The following HIP1 variants were observed in gnomAD, a reference collection of about 807,000 sequenced individuals.
HIP1 encodes huntingtin-interacting protein 1.
HIP1 carries 65 observed loss-of-function variants against 147.6 expected under a neutral mutation model. The ratio of observed to expected loss-of-function variants is 0.44; its 90% CI spans 0.36 to 0.54. The LOEUF (loss-of-function observed/expected upper bound fraction) is 0.54, where lower values mean the gene tolerates loss of function less well. Among genes scored for constraint, HIP1 ranks in the 20% least tolerant of loss-of-function variants. HIP1 has a pLI of 0.00. For missense variants in HIP1, 1,061 were observed against 1,299.6 expected (o/e 0.82, Z 2.82); for synonymous variants, 479 against 504.0 (o/e 0.95, Z 0.67).
intron 1 of HIP1, among the ~76,000 whole-genome samples, chr7:75,645,758 C>A (rs1330401900): frequency 1.3e-5 from 2 of 152,098 alleles, no homozygotes; most frequent in Non-Finnish European, 2.9e-5. Flanking sequence ...ATTATGCAGC[C>A]ATAAAAAAGA....
At chr7:75,715,774 C>CAAAAAATAAAAAAAA (rs1801297913) in intron 1 of HIP1, among the ~76,000 whole-genome samples, 1 of 36,718 alleles carries the variant, frequency 2.7e-5, no homozygotes, top group East Asian at 1.0e-3. Flanking sequence ...GATCCTGTCT[C>CAAAAAATAAAAAAAA]AAAAAAAAAA....
At chr7:75,726,136 G>A (rs1235390826) in intron 1 of HIP1, among the ~76,000 whole-genome samples, 2 of 152,152 alleles carry the variant, frequency 1.3e-5, no homozygotes, top group East Asian at 1.9e-4. Flanking sequence ...GAGCCACCGC[G>A]CCCAGCTGTG....
chr7:75,557,772 T>C lies in HIP1; in HGVS notation c.1465-2A>G. ...CACCTGTTTGGTCACCTCTGCATTC[T>C]GCAAAAGAAGAACAGTGTCTTGAAC... On this transcript the variant is annotated splice_acceptor_variant, in intron 15 of 30. Coordinates refer to ENST00000336926, the MANE Select transcript of HIP1 (RefSeq NM_005338.7). LOFTEE classifies it high-confidence loss of function. The C allele has an allele frequency of 6.2e-7, 1 of 1,607,206 alleles. No individual in the cohort carries two copies. The highest frequency in any genetic ancestry group is 8.5e-7 in the Non-Finnish European group (1 of 1,173,844).
At chr7:75,685,843 C>G (rs1364460106) in intron 1 of HIP1, among the ~76,000 whole-genome samples, 3 of 152,172 alleles carry the variant, frequency 2.0e-5, no homozygotes, top group African/African-American at 7.2e-5. Context: ...GCCACTGCGC[C>G]CGGCCTGTCA....
chr7:75,652,378 A>AT (rs1418996008), intron 1 of HIP1, among the ~76,000 whole-genome samples: 1 of 150,954 alleles, frequency 6.6e-6, no homozygotes, highest in Non-Finnish European at 1.5e-5. Context: ...TTACATTTTC[A>AT]TTTTTTAAGA....
chr7:75,591,967 G>T, intron 4 of HIP1, 89 bp downstream of exon 4: 3 of 1,041,210 alleles, frequency 2.9e-6, no homozygotes, highest in South Asian at 2.5e-5. Flanking sequence ...TGAAGGAGAT[G>T]AATTTATTTC....
At chr7:75,607,851 A>T (rs1797287088) in intron 1 of HIP1, among the ~76,000 whole-genome samples, 2 of 152,186 alleles carry the variant, frequency 1.3e-5, no homozygotes, top group Admixed American at 1.3e-4. Context: ...GCACTAGACA[A>T]GGCCCTCTAC....
chr7:75,628,389 C>G (rs1344197374), intron 1 of HIP1, among the ~76,000 whole-genome samples: 1 of 151,924 alleles, frequency 6.6e-6, no homozygotes, highest in Non-Finnish European at 1.5e-5. Flanking sequence ...GTCTATAGAA[C>G]TTTCCTTAAA....
At chr7:75,681,267 C>T (rs1021069189) in intron 1 of HIP1, among the ~76,000 whole-genome samples, 1 of 152,086 alleles carries the variant, frequency 6.6e-6, no homozygotes, top group African/African-American at 2.4e-5. Flanking sequence ...TGCCCCTAAT[C>T]CCCTTCTTGT....
chr7:75,710,816 A>G (rs1408638383), intron 1 of HIP1, among the ~76,000 whole-genome samples: 2 of 152,166 alleles, frequency 1.3e-5, no homozygotes, highest in African/African-American at 4.8e-5. Context: ...GTACTGGTTA[A>G]TTTCACTAAA....
At chr7:75,736,666 C>T (rs1238460586) in intron 1 of HIP1, among the ~76,000 whole-genome samples, 1 of 152,108 alleles carries the variant, frequency 6.6e-6, no homozygotes, top group Non-Finnish European at 1.5e-5. Flanking sequence ...AAACTTCCTT[C>T]TTTTCAGGGG....
chr7:75,545,003 T>A (rs1554490695), intron 26 of HIP1, 85 bp downstream of exon 26: 1 of 888,792 alleles, frequency 1.1e-6, no homozygotes, highest in East Asian at 2.4e-5. Context: ...AGGGACAGAT[T>A]TTTTTTTCCC....
At chr7:75,647,644 C>T (rs1338845646) in intron 1 of HIP1, among the ~76,000 whole-genome samples, 9 of 152,236 alleles carry the variant, frequency 5.9e-5, no homozygotes, top group African/African-American at 1.9e-4. Context: ...CCGGAGCTCT[C>T]AGGCAATTCA....
intron 1 of HIP1, among the ~76,000 whole-genome samples, chr7:75,608,096 G>A (rs1449741429): frequency 6.6e-6 from 1 of 152,142 alleles, no homozygotes; most frequent in Non-Finnish European, 1.5e-5. Flanking sequence ...CACGAGGTCA[G>A]GAGTTCAAGT....
intron 1 of HIP1, among the ~76,000 whole-genome samples, chr7:75,668,544 C>T (rs1173603550): frequency 2.6e-5 from 4 of 152,126 alleles, no homozygotes; most frequent in East Asian, 2.0e-4. Flanking sequence ...AGGCTGGTCT[C>T]GAACTCCTGA....
chr7:75,694,603 T>C (rs1800576084), intron 1 of HIP1, among the ~76,000 whole-genome samples: 1 of 149,584 alleles, frequency 6.7e-6, no homozygotes, highest in Non-Finnish European at 1.5e-5. Context: ...CTCAACCTCC[T>C]GGGTTCCAGC....
Position 75,686,368 on chromosome 7 carries a change from C to T in HIP1, c.120+52433G>A, listed in dbSNP as rs138737276. Among the ~76,000 whole-genome samples, 557 of 152,116 alleles carry T rather than the reference C, an allele frequency of 3.7e-3. 3 individuals are homozygous for T. The highest frequency in any genetic ancestry group is 0.012 in the African/African-American group (504 of 41,498). On this transcript the variant is annotated intron_variant, in intron 1 of 30. Transcript: ENST00000336926. ...TGAAAAGTTTAAAAGCTTTGGTTTT[C>T]GCAGTTAGGCCTTTAATACACTCGG...
intron 19 of HIP1, among the ~76,000 whole-genome samples, chr7:75,555,195 C>CGGGG (rs371043786): frequency 0.15 from 3,482 of 23,248 alleles, 340 homozygotes; most frequent in Middle Eastern, 0.31. Flanking sequence ...AGCGGGGGGG[C>CGGGG]GGGGGGGGGG....
chr7:75,617,587 A>G (rs1797713755), intron 1 of HIP1, among the ~76,000 whole-genome samples: 1 of 152,190 alleles, frequency 6.6e-6, no homozygotes, highest in Middle Eastern at 3.4e-3. Flanking sequence ...GCCTCCCTCC[A>G]TAAGAGAACA....
Sources: allele counts gnomAD v4.1 joint callset (sites outside exome capture counted in the v4.1 genomes callset), GRCh38; gene constraint gnomAD v4.1.1; transcripts MANE v1.5; gene names NCBI Gene and HGNC (gene_info 2026-07-23, HGNC 2026-07-21).